The following GALNTL6 variants were observed in gnomAD, a reference collection of about 807,000 sequenced individuals.
GALNTL6 encodes polypeptide N-acetylgalactosaminyltransferase-like 6.
Under a neutral mutation model 73.7 loss-of-function variants are expected in GALNTL6, and 46 were observed. The observed-to-expected ratio is 0.62, with a 90% CI of 0.49 to 0.80. The LOEUF is 0.80. GALNTL6 is among the 30% of genes least tolerant of loss of function. The pLI, the probability that GALNTL6 is intolerant of heterozygous loss-of-function variation, is 0.00. For missense variants in GALNTL6, 604 were observed against 755.0 expected, an observed-to-expected ratio of 0.80 and a Z score of 2.34; for synonymous variants, 259 against 263.7, an observed-to-expected ratio of 0.98 and a Z score of 0.17.
rs368396855 is a variant in GALNTL6, at chr4:172,774,821, G to A, written c.554-34540G>A. Among the ~76,000 whole-genome samples, 373 of 152,116 alleles carry A rather than the reference G, an allele frequency of 2.5e-3. 8 individuals are homozygous for A. In the South Asian group the frequency reaches 0.04, roughly 16 times the overall value. ...CTAAAATACAAAAAATTAGCTGGGC[G>A]TGGCAGCATTTGCCTGTAGTCCCAG... On this transcript the variant is annotated intron_variant, in intron 5 of 12. Transcript: ENST00000506823.
At chr4:172,006,124 A>G (rs182985982) in intron 2 of GALNTL6, among the ~76,000 whole-genome samples, 2 of 152,290 alleles carry the variant, frequency 1.3e-5, no homozygotes, top group East Asian at 3.9e-4. Context: ...TCATGCTATT[A>G]TCTTTCCCTG....
chr4:172,062,340 C>A (rs1040718482), intron 2 of GALNTL6, among the ~76,000 whole-genome samples: 1 of 152,110 alleles, frequency 6.6e-6, no homozygotes, highest in Non-Finnish European at 1.5e-5. Context: ...AAATACGAAT[C>A]AAATGTCTAT....
intron 7 of GALNTL6, among the ~76,000 whole-genome samples, chr4:172,862,292 C>T (rs1263592080): frequency 1.3e-5 from 2 of 152,140 alleles, no homozygotes; most frequent in Non-Finnish European, 2.9e-5. Flanking sequence ...AGACTGGTGG[C>T]ATTTAGCCCC....
chr4:172,341,282 T>C (rs1490853446), intron 4 of GALNTL6, among the ~76,000 whole-genome samples: 1 of 150,816 alleles, frequency 6.6e-6, no homozygotes, highest in Non-Finnish European at 1.5e-5. Flanking sequence ...AAACCCCGTC[T>C]CTACTAAAAA....
intron 10 of GALNTL6, among the ~76,000 whole-genome samples, chr4:172,961,825 A>G (rs946916330): frequency 9.8e-5 from 15 of 152,332 alleles, no homozygotes; most frequent in African/African-American, 3.6e-4. Context: ...GATCTTTCTC[A>G]TGGAACAAAG....
intron 5 of GALNTL6, among the ~76,000 whole-genome samples, chr4:172,629,500 C>A (rs1182928094): frequency 6.6e-6 from 1 of 151,606 alleles, no homozygotes; most frequent in Non-Finnish European, 1.5e-5. Context: ...GAGACTTTAC[C>A]CTCTATGTGA....
intron 2 of GALNTL6, among the ~76,000 whole-genome samples, chr4:171,876,623 C>T (rs1298322284): frequency 2.0e-5 from 3 of 152,164 alleles, no homozygotes; most frequent in African/African-American, 7.2e-5. Flanking sequence ...CCATTTGCTA[C>T]TGGAAGGATA....
At chr4:171,982,660 A>C (rs971971297) in intron 2 of GALNTL6, among the ~76,000 whole-genome samples, 1 of 152,194 alleles carries the variant, frequency 6.6e-6, no homozygotes, top group Non-Finnish European at 1.5e-5. Context: ...CATAGTCCCC[A>C]CATCAACCCC....
In GALNTL6 at chr4:172,333,320, G is replaced by A. The variant is rs141483382; in HGVS notation, c.387-15203G>A. On this transcript the variant is annotated intron_variant, in intron 4 of 12. Transcript: ENST00000506823. ...CTCGGGAGGCTGAGGCAGAGGAATC[G>A]CTTGAACCTGGGAGATGGAGGTTGC... 7.4e-3 allele frequency among the ~76,000 whole-genome samples: 1,127 copies of A among 152,204 alleles called. 9 individuals are homozygous for A. Among genetic ancestry groups the A allele is most frequent in the Non-Finnish European group, 9.1e-3 (617 of 68,010 alleles).
chr4:172,180,819 G>T (rs1735218004), intron 2 of GALNTL6, among the ~76,000 whole-genome samples: 1 of 152,008 alleles, frequency 6.6e-6, no homozygotes, highest in Non-Finnish European at 1.5e-5. Flanking sequence ...TATCTGTTTT[G>T]GTACCAGTAC....
At chr4:172,781,040 A>G (rs970387070) in intron 5 of GALNTL6, among the ~76,000 whole-genome samples, 5 of 152,226 alleles carry the variant, frequency 3.3e-5, no homozygotes, top group African/African-American at 1.2e-4. Context: ...CACTAAATGG[A>G]GAAAAATAAG....
At chr4:173,006,528 G>A (rs192681648) in intron 10 of GALNTL6, among the ~76,000 whole-genome samples, 3 of 152,162 alleles carry the variant, frequency 2.0e-5, no homozygotes, top group African/African-American at 7.2e-5. Flanking sequence ...CACACATCAG[G>A]AAATTGATTT....
intron 2 of GALNTL6, among the ~76,000 whole-genome samples, chr4:172,014,029 T>C (rs1421221250): frequency 6.6e-6 from 1 of 152,220 alleles, no homozygotes. Context: ...ATTACATTCA[T>C]GTTTTTGCAA....
intron 2 of GALNTL6, among the ~76,000 whole-genome samples, chr4:171,836,194 G>T (rs948603636): frequency 1.3e-5 from 2 of 152,010 alleles, no homozygotes; most frequent in Non-Finnish European, 2.9e-5. Context: ...TGGGCTAGAT[G>T]AAACTATCTA....
intron 8 of GALNTL6, among the ~76,000 whole-genome samples, chr4:172,912,433 A>G (rs1747258580): frequency 6.6e-6 from 1 of 152,212 alleles, no homozygotes; most frequent in African/African-American, 2.4e-5. Flanking sequence ...CTCACCTGGG[A>G]AGTGCAAGAG....
At chr4:172,042,278 A>T (rs1742106063) in intron 2 of GALNTL6, among the ~76,000 whole-genome samples, 1 of 152,072 alleles carries the variant, frequency 6.6e-6, no homozygotes, top group Admixed American at 6.6e-5. Context: ...AACTATTTAC[A>T]CCTGCAATTG....
intron 2 of GALNTL6, among the ~76,000 whole-genome samples, chr4:171,968,289 A>G (rs61406189): frequency 0.025 from 3,768 of 152,296 alleles, 147 homozygotes; most frequent in African/African-American, 0.086. Flanking sequence ...TCTGGAGGCC[A>G]AAAGTCCGAA....
intron 2 of GALNTL6, among the ~76,000 whole-genome samples, chr4:171,843,344 A>C (rs1001168664): frequency 3.3e-5 from 5 of 152,120 alleles, no homozygotes; most frequent in Middle Eastern, 3.2e-3. Context: ...TCTACAGAGC[A>C]AGGAGGGACA....
rs532967548 is a variant in GALNTL6, at chr4:171,909,809, G to A, written c.138+95091G>A. ...TAAAAACCATAATGAGTGTATGACT[G>A]CATTGTAAACCATATCAATATCTTG... On this transcript the variant is annotated intron_variant, in intron 2 of 12. Transcript: ENST00000506823. 2.6e-5 allele frequency among the ~76,000 whole-genome samples: 4 copies of A among 152,182 alleles called. No homozygotes were observed. In the South Asian group the frequency reaches 8.3e-4, roughly 32 times the overall value.
Sources: gnomAD v4.1 joint callset for allele counts (sites outside exome capture counted in the v4.1 genomes callset) on GRCh38, gnomAD v4.1.1 for gene constraint, MANE v1.5 for transcripts, NCBI Gene and HGNC (gene_info 2026-07-23, HGNC 2026-07-21) for gene names.